The following SH2D1B variants were observed in gnomAD, a reference collection of about 807,000 sequenced individuals.
SH2D1B encodes SH2 domain containing 1B.
Under a neutral mutation model 16.3 loss-of-function variants are expected in SH2D1B, and 11 were observed. The observed-to-expected ratio is 0.67, with a 90% CI of 0.42 to 1.11. SH2D1B has a LOEUF of 1.11. Ranked by LOEUF, SH2D1B falls within the 50% of genes most tolerant of loss-of-function variation. The pLI is 0.00. For synonymous variants in SH2D1B, 55 were observed against 56.1 expected, an observed-to-expected ratio of 0.98 and a Z score of 0.09; for missense variants, 123 against 153.1, an observed-to-expected ratio of 0.80 and a Z score of 1.04.
chr1:162,397,302 T>C lies in SH2D1B; in HGVS notation c.377A>G (p.Asp126Gly). The change falls in exon 4 of 4, where the codon GAT (aspartate) becomes GGT (glycine). Residue 126 changes from aspartate (D) to glycine (G), a missense_variant. Transcript: ENST00000367929. ...TCTTCAAGGCAAGACATCCACATAA[T>C]CGCTGTTACTGTTCTTTGGAGGGAA... ...ELETFVNSNS[D>G]YVDVLP The C allele has an allele frequency of 6.2e-7, 1 of 1,613,600 alleles. No individual in the cohort carries two copies. The highest frequency in any genetic ancestry group is 1.3e-5 in the African/African-American group (1 of 74,874).
Position 162,397,241 on chromosome 1 carries a change from A to T in SH2D1B, c.*39T>A. On this transcript the variant is annotated 3_prime_UTR_variant, in exon 4 of 4. Coordinates refer to ENST00000367929, the MANE Select transcript of SH2D1B (RefSeq NM_053282.5). ...AAGTGGGTCATCAGTGAGAACTGTT[A>T]CTCATCTCTTCAACTTGCTTTGTCC... The T allele has an allele frequency of 6.2e-7, 1 of 1,610,266 alleles. No homozygotes were observed. The highest frequency in any genetic ancestry group is 8.5e-7 in the Non-Finnish European group (1 of 1,176,760).
chr1:162,399,490 A>T (rs549669376), intron 2 of SH2D1B, among the ~76,000 whole-genome samples: 10 of 152,270 alleles, frequency 6.6e-5, no homozygotes, highest in Non-Finnish European at 1.2e-4. Context: ...AAATGCAATT[A>T]AAAAAAATTC....
chr1:162,408,231 G>A (rs1648694695), intron 1 of SH2D1B, among the ~76,000 whole-genome samples: 1 of 152,132 alleles, frequency 6.6e-6, no homozygotes, highest in Non-Finnish European at 1.5e-5. Flanking sequence ...CCTATGAGGA[G>A]ATAGCTTCAG....
At chr1:162,405,935 T>C (rs1487891239) in intron 1 of SH2D1B, among the ~76,000 whole-genome samples, 1 of 152,232 alleles carries the variant, frequency 6.6e-6, no homozygotes, top group Non-Finnish European at 1.5e-5. Context: ...TGGCCATTGT[T>C]GTGGGGAAAC....
intron 1 of SH2D1B, among the ~76,000 whole-genome samples, chr1:162,403,511 A>T (rs12023520): frequency 6.9e-4 from 29 of 42,002 alleles, no homozygotes; most frequent in African/African-American, 1.7e-3. Flanking sequence ...AAAAAAAAAA[A>T]ATATATATAT....
chr1:162,400,392 T>C (rs985847988), intron 2 of SH2D1B, among the ~76,000 whole-genome samples: 2 of 147,802 alleles, frequency 1.4e-5, no homozygotes, highest in African/African-American at 2.5e-5. Context: ...CCCGGGTTCA[T>C]GCCATTCTCC....
chr1:162,404,574 G>C (rs972158662), intron 1 of SH2D1B, among the ~76,000 whole-genome samples: 3 of 151,962 alleles, frequency 2.0e-5, no homozygotes, highest in Non-Finnish European at 2.9e-5. Flanking sequence ...CTTTAAATAT[G>C]TACAGCTTAT....
chr1:162,401,756 T>C (rs528423860), intron 2 of SH2D1B, among the ~76,000 whole-genome samples: 19 of 152,290 alleles, frequency 1.2e-4, no homozygotes, highest in Admixed American at 3.3e-4. Flanking sequence ...AGTGAGGTGT[T>C]TGGGGATCAT....
In SH2D1B at chr1:162,395,859, T is replaced by A. The variant is rs2101855596; in HGVS notation, c.*1421A>T. 6.6e-6 allele frequency: 1 copy of A among 152,338 alleles called. No individual in the cohort carries two copies. The highest frequency in any genetic ancestry group is 2.1e-4 in the South Asian group (1 of 4,826). The allele number at this position is 152,338 out of a possible 1,614,324, so 9.4% of individuals were successfully genotyped here. A position where few individuals can be genotyped will look rare whatever the true frequency, so the allele number is the denominator to read the frequency against. On this transcript the variant is annotated 3_prime_UTR_variant, in exon 4 of 4. Coordinates refer to ENST00000367929, the MANE Select transcript of SH2D1B (RefSeq NM_053282.5). Reference sequence around the variant, plus strand: ...GACCCAAGAACATGGATGTGGCATGTTTATGCATGGGAAAACATCACAAGA... The same window carrying A: ...GACCCAAGAACATGGATGTGGCATGATTATGCATGGGAAAACATCACAAGA...
intron 1 of SH2D1B, among the ~76,000 whole-genome samples, chr1:162,410,423 A>C (rs1184429654): frequency 2.6e-5 from 4 of 152,156 alleles, no homozygotes; most frequent in Non-Finnish European, 5.9e-5. Flanking sequence ...CCCAACCATA[A>C]TTTAACAAGT....
intron 1 of SH2D1B, among the ~76,000 whole-genome samples, chr1:162,405,504 A>G (rs1648633695): frequency 6.6e-6 from 1 of 152,232 alleles, no homozygotes; most frequent in Non-Finnish European, 1.5e-5. Flanking sequence ...TATAAACTAA[A>G]TTTTAATTCC....
chr1:162,397,035 T>C lies in SH2D1B; in HGVS notation c.*245A>G. 2.0e-6 allele frequency: 1 copy of C among 509,724 alleles called. No homozygotes were observed. Among genetic ancestry groups the C allele is most frequent in the Non-Finnish European group, 3.6e-6 (1 of 279,570 alleles). 31.6% of individuals were successfully genotyped at this position (509,724 alleles called of 1,614,324 possible). On this transcript the variant is annotated 3_prime_UTR_variant, in exon 4 of 4. Coordinates refer to ENST00000367929, the MANE Select transcript of SH2D1B (RefSeq NM_053282.5). ...AGTCAAAGGGAAAATGTTCAGGCTG[T>C]CCCATTCCAAGAAAGAAGAGTGAAA...
In SH2D1B at chr1:162,412,106, C is replaced by G. The variant is rs1648811457; in HGVS notation, c.-90G>C. ...GCTCTGAGGAGAGATGTGTAAGCAG[C>G]TGTACCTCCTGTGGAGCTACCTCTT... On this transcript the variant is annotated 5_prime_UTR_variant, in exon 1 of 4. Transcript: ENST00000367929. 2 of 1,538,098 alleles carry G rather than the reference C, an allele frequency of 1.3e-6. No homozygotes were observed. The highest frequency in any genetic ancestry group is 1.8e-6 in the Non-Finnish European group (2 of 1,123,346).
chr1:162,398,241 C>G (rs188168521), intron 3 of SH2D1B, among the ~76,000 whole-genome samples: 4 of 152,306 alleles, frequency 2.6e-5, no homozygotes, highest in African/African-American at 9.6e-5. Flanking sequence ...ATCCCTTTCA[C>G]TGAGAATATA....
At chr1:162,398,055 C>A (rs909347739) in intron 3 of SH2D1B, among the ~76,000 whole-genome samples, 3 of 152,168 alleles carry the variant, frequency 2.0e-5, no homozygotes, top group African/African-American at 7.2e-5. Context: ...GTATTTTATG[C>A]TTAGCCTTGC....
intron 1 of SH2D1B, among the ~76,000 whole-genome samples, chr1:162,411,203 G>C (rs1030353396): frequency 6.6e-6 from 1 of 152,124 alleles, no homozygotes; most frequent in Non-Finnish European, 1.5e-5. Flanking sequence ...TGATTCACCT[G>C]CCTCAGCCTC....
In SH2D1B at chr1:162,411,868, G is replaced by A. The variant is rs1350492177; in HGVS notation, c.134+15C>T. On this transcript the variant is annotated intron_variant, in intron 1 of 3. Coordinates refer to ENST00000367929, the MANE Select transcript of SH2D1B (RefSeq NM_053282.5). ...AACATACGATGTCAGATGTGTGCAA[G>A]ATGAGGCTACTCACGAGACACAGAG... 3.7e-6 allele frequency: 6 copies of A among 1,613,916 alleles called. No individual in the cohort carries two copies. The Middle Eastern group carries it at 6.7e-4, about 180-fold the overall frequency.
At chr1:162,410,329 G>A (rs1648763473) in intron 1 of SH2D1B, among the ~76,000 whole-genome samples, 1 of 152,212 alleles carries the variant, frequency 6.6e-6, no homozygotes, top group Admixed American at 6.5e-5. Context: ...GCTGGATTCA[G>A]AGTTGAGTCC....
At position 162,395,333 on chromosome 1, in the gene SH2D1B, G is replaced by A. The variant is rs1648349073; in HGVS notation, c.*1947C>T. The A allele has an allele frequency of 6.6e-6, 1 of 152,146 alleles. No individual in the cohort carries two copies. Among genetic ancestry groups the A allele is most frequent in the Non-Finnish European group, 1.5e-5 (1 of 68,008 alleles). The allele number at this position is 152,146 out of a possible 1,614,324, so 9.4% of individuals were successfully genotyped here. On this transcript the variant is annotated 3_prime_UTR_variant, in exon 4 of 4. Transcript: ENST00000367929. ...ATAATGGAGTGAAGACAAAAGGAAT[G>A]TGACTATCTCAATAGATTAGAGATA...
Sources: gnomAD v4.1 joint callset for allele counts (sites outside exome capture counted in the v4.1 genomes callset) on GRCh38, gnomAD v4.1.1 for gene constraint, MANE v1.5 for transcripts, NCBI Gene and HGNC (gene_info 2026-07-23, HGNC 2026-07-21) for gene names.